Variants in PRKCA observed in about 807,000 individuals in gnomAD.
The protein encoded by PRKCA is protein kinase C alpha.
PRKCA carries 27 observed loss-of-function variants against 87.0 expected under a neutral mutation model. That is an observed-to-expected ratio of 0.31 (90% CI 0.23 to 0.43). The LOEUF (loss-of-function observed/expected upper bound fraction) is 0.43. Among genes scored for constraint, PRKCA ranks in the 20% least tolerant of loss-of-function variants. The probability of loss-of-function intolerance (pLI) is 1.00; values close to 1 mark genes in which losing one functional copy is unlikely to be tolerated. For synonymous variants in PRKCA, 329 were observed against 311.1 expected (o/e 1.06, Z -0.61); for missense variants, 518 against 852.3 (o/e 0.61, Z 4.88).
At chr17:66,490,855 A>G (rs1916214900) in intron 2 of PRKCA, among the ~76,000 whole-genome samples, 1 of 152,236 alleles carries the variant, frequency 6.6e-6, no homozygotes, top group Non-Finnish European at 1.5e-5. Context: ...TGCAGGGATT[A>G]CAGGTGTGAC....
chr17:66,690,988 A>G (rs1219753649), intron 8 of PRKCA, among the ~76,000 whole-genome samples: 1 of 152,108 alleles, frequency 6.6e-6, no homozygotes, highest in Non-Finnish European at 1.5e-5. Flanking sequence ...TACAAAAAAT[A>G]GCAGGGTGTG....
At chr17:66,402,435 T>TA (rs1911092916) in intron 2 of PRKCA, among the ~76,000 whole-genome samples, 1 of 148,544 alleles carries the variant, frequency 6.7e-6, no homozygotes, top group African/African-American at 2.5e-5. Context: ...TTTTTTTTTT[T>TA]AAAGAATATG....
intron 3 of PRKCA, among the ~76,000 whole-genome samples, chr17:66,547,706 G>A (rs141363618): frequency 1.1e-3 from 170 of 152,096 alleles, no homozygotes; most frequent in African/African-American, 4.0e-3. Context: ...AGAAGGCTGT[G>A]GACATATTTT....
chr17:66,592,582 T>A (rs1598800431), intron 3 of PRKCA, among the ~76,000 whole-genome samples: 1 of 152,178 alleles, frequency 6.6e-6, no homozygotes, highest in African/African-American at 2.4e-5. Flanking sequence ...GGAGATAAGA[T>A]GACTTGGTCT....
intron 2 of PRKCA, among the ~76,000 whole-genome samples, chr17:66,411,853 T>TA (rs1911823428): frequency 2.4e-5 from 1 of 42,320 alleles, no homozygotes; most frequent in Non-Finnish European, 6.6e-5. Context: ...GTCTGAGCAA[T>TA]GGGCCGCCTA....
At chr17:66,660,874 A>G (rs945284855) in intron 5 of PRKCA, among the ~76,000 whole-genome samples, 46 of 152,088 alleles carry the variant, frequency 3.0e-4, no homozygotes, top group Non-Finnish European at 5.1e-4. Context: ...GCACCACTGC[A>G]CTCCAGCCTG....
At chr17:66,342,965 G>A (rs906673385) in intron 2 of PRKCA, among the ~76,000 whole-genome samples, 23 of 152,038 alleles carry the variant, frequency 1.5e-4, no homozygotes, top group African/African-American at 5.6e-4. Context: ...CTGTGTGTTG[G>A]CATTTGAGTT....
At chr17:66,763,787 A>C (rs1974737809) in intron 13 of PRKCA, among the ~76,000 whole-genome samples, 1 of 152,106 alleles carries the variant, frequency 6.6e-6, no homozygotes, top group Admixed American at 6.6e-5. Flanking sequence ...ATGAAGAGTG[A>C]AATCCCAGTT....
At chr17:66,552,388 C>T (rs894776348) in intron 3 of PRKCA, among the ~76,000 whole-genome samples, 4 of 152,228 alleles carry the variant, frequency 2.6e-5, no homozygotes, top group South Asian at 2.1e-4. Context: ...TTTATTTTCT[C>T]GCAGTTTCTG....
intron 3 of PRKCA, among the ~76,000 whole-genome samples, chr17:66,548,133 G>T (rs1211864215): frequency 6.6e-6 from 1 of 152,282 alleles, no homozygotes; most frequent in East Asian, 1.9e-4. Context: ...GCTGATTCTT[G>T]TTCGGGGGGA....
intron 2 of PRKCA, among the ~76,000 whole-genome samples, chr17:66,495,698 G>A (rs1030493276): frequency 6.6e-5 from 10 of 151,814 alleles, no homozygotes; most frequent in African/African-American, 9.7e-5. Context: ...GATTACAGGC[G>A]CCCATCACTA....
At position 66,615,779 on chromosome 17, in the gene PRKCA, A is replaced by G. The variant is rs569761516; in HGVS notation, c.289-25576A>G. Among the ~76,000 whole-genome samples, 4 of 152,244 alleles carry G rather than the reference A, an allele frequency of 2.6e-5. No individual in the cohort carries two copies. The East Asian group carries it at 7.7e-4, about 29-fold the overall frequency. ...CCACCTTGGGCCTGGTCAGGGTTTC[A>G]GTGAAATCCCTTTCCTTATGTTCTG... On this transcript the variant is annotated intron_variant, in intron 3 of 16. Transcript: ENST00000413366.
chr17:66,687,223 C>T lies in PRKCA; in HGVS notation c.642C>T (p.Thr214=). ...ATGAAAGCAAGCAAAAAACCAAAAC[C>T]ATCCGCTCCACACTAAATCCGCAGT... is the stretch of plus-strand genomic sequence containing the variant. ...PKNESKQKTK[T]IRSTLNPQWN... is the part of the protein sequence containing the mutation. Residue 214 remains threonine (T), a synonymous_variant, in exon 6 of 17, where the codon ACC becomes ACT. Transcript: ENST00000413366. 3.7e-6 allele frequency: 6 copies of T among 1,614,100 alleles called. No individual in the cohort carries two copies. The highest frequency in any genetic ancestry group is 1.3e-5 in the African/African-American group (1 of 75,030).
At chr17:66,374,724 T>TC (rs1344201318) in intron 2 of PRKCA, among the ~76,000 whole-genome samples, 4 of 146,370 alleles carry the variant, frequency 2.7e-5, no homozygotes, top group Non-Finnish European at 6.0e-5. Context: ...GCATTCTTTT[T>TC]TTTTTTTTTT....
At chr17:66,766,916 C>G (rs963132505) in intron 13 of PRKCA, among the ~76,000 whole-genome samples, 8 of 151,850 alleles carry the variant, frequency 5.3e-5, no homozygotes, top group African/African-American at 1.5e-4. Flanking sequence ...GTTACAAGAG[C>G]AAATTTTATT....
At chr17:66,408,280 C>A (rs1299319590) in intron 2 of PRKCA, among the ~76,000 whole-genome samples, 1 of 152,288 alleles carries the variant, frequency 6.6e-6, no homozygotes, top group Non-Finnish European at 1.5e-5. Flanking sequence ...TGTTTTTAGA[C>A]CTTCTGGCTA....
chr17:66,353,322 T>C (rs1173714092), intron 2 of PRKCA, among the ~76,000 whole-genome samples: 2 of 152,214 alleles, frequency 1.3e-5, no homozygotes, highest in Non-Finnish European at 2.9e-5. Flanking sequence ...CTATTTGGGC[T>C]GTGTGCCGAA....
At chr17:66,532,023 C>T (rs188201189) in intron 3 of PRKCA, among the ~76,000 whole-genome samples, 23 of 152,260 alleles carry the variant, frequency 1.5e-4, no homozygotes, top group Admixed American at 8.5e-4. Flanking sequence ...CATTATTCAG[C>T]GCCTTTGCTG....
At chr17:66,383,414 T>C (rs1412985618) in intron 2 of PRKCA, among the ~76,000 whole-genome samples, 1 of 151,828 alleles carries the variant, frequency 6.6e-6, no homozygotes, top group Non-Finnish European at 1.5e-5. Context: ...TTTTTTTGGC[T>C]AAGTCAATGG....
Sources: gnomAD v4.1 joint callset for allele counts (sites outside exome capture counted in the v4.1 genomes callset) on GRCh38, gnomAD v4.1.1 for gene constraint, MANE v1.5 for transcripts, NCBI Gene and HGNC (gene_info 2026-07-23, HGNC 2026-07-21) for gene names.